Variants in CDKL3 observed in about 807,000 individuals in gnomAD.
CDKL3 encodes the protein cyclin-dependent kinase-like 3.
Under a neutral mutation model 69.3 loss-of-function variants are expected in CDKL3, and 65 were observed. That is an observed-to-expected ratio of 0.94 (90% CI 0.77 to 1.15). The LOEUF is 1.15. Among genes scored for constraint, CDKL3 ranks in the 50% most tolerant of loss-of-function variants. The pLI, the probability that CDKL3 is intolerant of heterozygous loss-of-function variation, is 0.00. For missense variants in CDKL3, 652 were observed against 689.2 expected (o/e 0.95, Z 0.61); for synonymous variants, 202 against 221.6 (o/e 0.91, Z 0.79).
At chr5:134,336,703 C>T (rs765100939) in intron 4 of CDKL3, among the ~76,000 whole-genome samples, 60 of 152,142 alleles carry the variant, frequency 3.9e-4, no homozygotes, top group African/African-American at 1.4e-3. Flanking sequence ...CTGGAAGTTT[C>T]GTCCCAGAGG....
chr5:134,308,991 C>T (rs756241471), intron 7 of CDKL3, among the ~76,000 whole-genome samples: 2 of 152,140 alleles, frequency 1.3e-5, no homozygotes, highest in African/African-American at 4.8e-5. Flanking sequence ...ATTCCTTCTG[C>T]GATGCAAACT....
intron 4 of CDKL3, among the ~76,000 whole-genome samples, chr5:134,342,894 C>T (rs1750864442): frequency 6.6e-6 from 1 of 152,140 alleles, no homozygotes; most frequent in African/African-American, 2.4e-5. Context: ...AAACTTGCTA[C>T]AAAGCAATAG....
chr5:134,306,664 T>A lies in CDKL3; in HGVS notation c.1403A>T (p.Gln468Leu), dbSNP rs777278162. The A allele has an allele frequency of 1.9e-6, 3 of 1,578,822 alleles. No homozygotes were observed. Among genetic ancestry groups the A allele is most frequent in the Non-Finnish European group, 1.7e-6 (2 of 1,169,202 alleles). The change falls in exon 10 of 13, where the codon CAA becomes CTA. Residue 468 changes from glutamine to leucine, a missense_variant. Transcript: ENST00000265334. The part of the protein sequence containing the change: ...ERAKKRRTSS[Q>L]SIGQVMPNSR... ...ATTAGGCATAACTTGTCCAATAGAT[T>A]GTGAAGAAGTGCGTCTCTTTTTTGC...
Position 134,350,264 on chromosome 5 carries a change from T to A in CDKL3, c.524A>T (p.Asp175Val). The A allele has an allele frequency of 6.4e-7, 1 of 1,569,988 alleles. No individual in the cohort carries two copies. Among genetic ancestry groups the A allele is most frequent in the Non-Finnish European group, 8.6e-7 (1 of 1,159,426 alleles). ...ATACACATACTTTCCATAAGAAGTATCTTTTAATACTAATTCGGGAGCTCT... is the reference window on the plus strand; with the variant it reads ...ATACACATACTTTCCATAAGAAGTAACTTTTAATACTAATTCGGGAGCTCT... ...WYRAPELVLK[D>V]TSYGKPVDIW... The change falls in exon 4 of 13, where the codon GAT (aspartate) becomes GTT (valine). Residue 175 changes from aspartate (D) to valine (V), a missense_variant. Physicochemically the swap from Asp to Val is radical, Grantham distance 152. Coordinates refer to ENST00000265334, the MANE Select transcript of CDKL3 (RefSeq NM_001113575.2).
At chr5:134,291,466 C>A (rs531768677) in intron 8 of CDKL3, among the ~76,000 whole-genome samples, 25 of 152,122 alleles carry the variant, frequency 1.6e-4, no homozygotes, top group Non-Finnish European at 2.8e-4. Context: ...ATTCATCAAA[C>A]TATTATTAAG....
chr5:134,299,859 T>G, intron 12 of CDKL3: 1 of 697,012 alleles, frequency 1.4e-6, no homozygotes, highest in Non-Finnish European at 2.4e-6. Flanking sequence ...GGTTGTTTCA[T>G]AAGGTACAGG....
chr5:134,296,813 A>ACACG (rs1184662706), downstream of CDKL3, among the ~76,000 whole-genome samples: 86 of 151,328 alleles, frequency 5.7e-4, no homozygotes, highest in African/African-American at 2.0e-3. Context: ...ACACACACAC[A>ACACG]CACGCACGCA....
At chr5:134,306,790 T>C (rs907276151) in intron 9 of CDKL3, 88 bp from the exon 10 acceptor site, 2 of 700,424 alleles carry the variant, frequency 2.9e-6, no homozygotes, top group Non-Finnish European at 4.4e-6. Flanking sequence ...ATTCTCACTC[T>C]GTCACCCAGG....
In CDKL3 at chr5:134,366,539, TTAC is replaced by T; in HGVS notation, c.-19_-17del. The T allele has an allele frequency of 6.4e-7, 1 of 1,572,610 alleles. No homozygotes were observed. Among genetic ancestry groups the T allele is most frequent in the Non-Finnish European group, 8.6e-7 (1 of 1,158,492 alleles). On this transcript the variant is annotated splice_region_variant and 5_prime_UTR_variant, in exon 2 of 13. Coordinates refer to ENST00000265334, the MANE Select transcript of CDKL3 (RefSeq NM_001113575.2). The stretch of plus-strand genomic sequence containing the variant: ...ACATCTCCATTTTCAAGCTGGGCTT[TTAC>T]TACTTTATAGAAATAAAGAAAGAAA...
At chr5:134,298,834 C>T in intron 12 of CDKL3, 124 bp from the exon 13 acceptor site, 1 of 1,322,668 alleles carries the variant, frequency 7.6e-7, no homozygotes, top group Non-Finnish European at 1.0e-6. Flanking sequence ...GCTAGTCAAG[C>T]CAAAAGATTT....
chr5:134,343,180 G>C (rs1425761811), intron 4 of CDKL3, among the ~76,000 whole-genome samples: 3 of 151,796 alleles, frequency 2.0e-5, no homozygotes, highest in South Asian at 2.1e-4. Context: ...ACTCCAGCCT[G>C]GGCAACAGAG....
intron 10 of CDKL3, among the ~76,000 whole-genome samples, chr5:134,306,318 G>A (rs937638894): frequency 6.6e-6 from 1 of 152,030 alleles, no homozygotes; most frequent in Non-Finnish European, 1.5e-5. Flanking sequence ...AACATAGTGA[G>A]ACTTTGTCGC....
chr5:134,337,724 G>C (rs760999878), intron 4 of CDKL3, among the ~76,000 whole-genome samples: 10 of 152,132 alleles, frequency 6.6e-5, no homozygotes, highest in Admixed American at 6.6e-4. Context: ...GGAAAATAAA[G>C]AACTTTTCAT....
At chr5:134,339,761 C>G (rs2149555679) in intron 4 of CDKL3, among the ~76,000 whole-genome samples, 1 of 152,126 alleles carries the variant, frequency 6.6e-6, no homozygotes, top group African/African-American at 2.4e-5. Context: ...ATATTAATTG[C>G]AGGAAAAATT....
intron 3 of CDKL3, among the ~76,000 whole-genome samples, chr5:134,352,050 C>T (rs1753429252): frequency 6.6e-6 from 1 of 152,082 alleles, no homozygotes; most frequent in Admixed American, 6.6e-5. Flanking sequence ...CCCAACCACC[C>T]CCACTCTAGC....
At chr5:134,291,577 C>T (rs1366939326) in intron 8 of CDKL3, among the ~76,000 whole-genome samples, 1 of 152,146 alleles carries the variant, frequency 6.6e-6, no homozygotes, top group Non-Finnish European at 1.5e-5. Flanking sequence ...GAGTTCGAGA[C>T]GAGCCTGGCC....
At chr5:134,368,283 G>A (rs945478687), upstream of CDKL3, among the ~76,000 whole-genome samples, 2 of 152,172 alleles carry the variant, frequency 1.3e-5, no homozygotes, top group East Asian at 1.9e-4. Context: ...AGTGGTCATC[G>A]TTTTCATTGA....
chr5:134,311,066 T>A (rs1357551670), intron 7 of CDKL3, among the ~76,000 whole-genome samples: 3 of 152,230 alleles, frequency 2.0e-5, no homozygotes, highest in African/African-American at 7.2e-5. Context: ...TGGTGTTTTT[T>A]TAGAAATATG....
chr5:134,312,704 T>C (rs887468459), intron 6 of CDKL3, among the ~76,000 whole-genome samples: 13 of 152,258 alleles, frequency 8.5e-5, no homozygotes, highest in Non-Finnish European at 4.4e-5. Flanking sequence ...GGAAAGTTCA[T>C]GGATAATCAT....
Sources: allele counts gnomAD v4.1 joint callset (sites outside exome capture counted in the v4.1 genomes callset), GRCh38; gene constraint gnomAD v4.1.1; transcripts MANE v1.5; gene names NCBI Gene and HGNC (gene_info 2026-07-23, HGNC 2026-07-21).